DENND1A: variants seen among roughly 807,000 people sequenced by gnomAD.
The protein encoded by DENND1A is DENN domain-containing protein 1A.
Under a neutral mutation model 113.7 loss-of-function variants are expected in DENND1A, and 51 were observed. The observed-to-expected ratio is 0.45, with a 90% confidence interval of 0.36 to 0.57. The LOEUF (loss-of-function observed/expected upper bound fraction) is 0.57, where lower values mean the gene tolerates loss of function less well. Ranked by LOEUF, DENND1A falls within the 20% of genes least tolerant of loss-of-function variation. DENND1A has a pLI of 0.00. For missense variants in DENND1A, 1,258 were observed against 1,395.9 expected (o/e 0.90, Z 1.57); for synonymous variants, 565 against 570.8 (o/e 0.99, Z 0.14).
chr9:123,465,546 A>G (rs866286946), intron 13 of DENND1A, among the ~76,000 whole-genome samples: 5 of 152,318 alleles, frequency 3.3e-5, no homozygotes, highest in Middle Eastern at 3.4e-3. Flanking sequence ...GTTGCTTTGA[A>G]GAGTAAAACA....
chr9:123,738,889 A>G (rs1409339113), intron 5 of DENND1A, among the ~76,000 whole-genome samples: 1 of 152,184 alleles, frequency 6.6e-6, no homozygotes, highest in Non-Finnish European at 1.5e-5. Flanking sequence ...AGTAAATACT[A>G]TGGAAAAGAA....
rs138680014 is a variant in DENND1A, at chr9:123,505,093, G to A, written c.994-47196C>T. ...TGCAAGATAACTCTGAAGGAACTCC[G>A]TGATAATTTGGCATCAATACCCAAC... On this transcript the variant is annotated intron_variant, in intron 13 of 23. Coordinates refer to ENST00000394215, the MANE Select transcript of DENND1A (RefSeq NM_001352964.2). Among the ~76,000 whole-genome samples, 13 of 152,264 alleles carry A rather than the reference G, an allele frequency of 8.5e-5. No individual in the cohort carries two copies. The East Asian group carries it at 2.5e-3, about 29-fold the overall frequency.
At chr9:123,586,791 G>C (rs2059187722) in intron 11 of DENND1A, among the ~76,000 whole-genome samples, 1 of 152,154 alleles carries the variant, frequency 6.6e-6, no homozygotes, top group South Asian at 2.1e-4. Flanking sequence ...TGAGAAGAAA[G>C]CCAGACCGTC....
At chr9:123,782,068 TA>T (rs957294654) in intron 3 of DENND1A, among the ~76,000 whole-genome samples, 25 of 150,962 alleles carry the variant, frequency 1.7e-4, no homozygotes, top group Admixed American at 1.1e-3. Context: ...AGACTCTGTC[TA>T]AAAAAAAATA....
At chr9:123,568,421 C>T (rs758761721) in intron 12 of DENND1A, among the ~76,000 whole-genome samples, 3 of 152,214 alleles carry the variant, frequency 2.0e-5, no homozygotes, top group East Asian at 1.9e-4. Flanking sequence ...GGGGCCTAAT[C>T]GATGGTGACT....
At chr9:123,691,104 G>T (rs778983901) in intron 5 of DENND1A, among the ~76,000 whole-genome samples, 8 of 152,106 alleles carry the variant, frequency 5.3e-5, no homozygotes, top group Admixed American at 1.3e-4. Flanking sequence ...TAAATGGGGG[G>T]GTCAGAAGCT....
At chr9:123,911,046 T>C (rs971222415) in intron 1 of DENND1A, among the ~76,000 whole-genome samples, 5 of 152,100 alleles carry the variant, frequency 3.3e-5, no homozygotes, top group African/African-American at 1.2e-4. Context: ...TCACATTCAA[T>C]AATATAAAGA....
intron 6 of DENND1A, 32 bp from the exon 7 acceptor site, chr9:123,671,403 G>A (rs758457325): frequency 1.9e-6 from 3 of 1,609,502 alleles, no homozygotes; most frequent in Admixed American, 1.7e-5. Context: ...AGTAACAAAA[G>A]CAAGGCTGAG....
At chr9:123,850,587 ATGGACAC>A (rs1843200720) in intron 2 of DENND1A, among the ~76,000 whole-genome samples, 1 of 152,202 alleles carries the variant, frequency 6.6e-6, no homozygotes, top group Non-Finnish European at 1.5e-5. Context: ...AGTTAACATT[ATGGACAC>A]TGAAAGCACA....
chr9:123,845,881 C>T (rs779636371), intron 2 of DENND1A, among the ~76,000 whole-genome samples: 1 of 151,984 alleles, frequency 6.6e-6, no homozygotes, highest in Non-Finnish European at 1.5e-5. Context: ...TAGGACTTCA[C>T]TGAAATGAAA....
chr9:123,733,998 C>T (rs11792396), intron 5 of DENND1A, among the ~76,000 whole-genome samples: 1 of 152,048 alleles, frequency 6.6e-6, no homozygotes, highest in South Asian at 2.1e-4. Flanking sequence ...CAGTCTCACT[C>T]TGCTGCCCAG....
chr9:123,745,412 G>A (rs1010284253), intron 5 of DENND1A, among the ~76,000 whole-genome samples: 2 of 152,242 alleles, frequency 1.3e-5, no homozygotes, highest in Admixed American at 1.3e-4. Flanking sequence ...ATGCTGGCGA[G>A]TCTTCTTTAA....
intron 11 of DENND1A, among the ~76,000 whole-genome samples, chr9:123,593,817 T>C (rs1389756386): frequency 6.6e-6 from 1 of 152,164 alleles, no homozygotes; most frequent in African/African-American, 2.4e-5. Context: ...CACGCCCTCT[T>C]GTAATTCCCA....
chr9:123,666,055 G>T (rs2063479541), intron 8 of DENND1A, among the ~76,000 whole-genome samples: 1 of 152,208 alleles, frequency 6.6e-6, no homozygotes, highest in African/African-American at 2.4e-5. Flanking sequence ...AGGGGTTGGG[G>T]AGACAGGGTA....
At chr9:123,491,077 C>A (rs892449791) in intron 13 of DENND1A, among the ~76,000 whole-genome samples, 1 of 152,236 alleles carries the variant, frequency 6.6e-6, no homozygotes, top group Non-Finnish European at 1.5e-5. Flanking sequence ...TGGAAAAGAA[C>A]TGGATCCTTC....
At chr9:123,880,118 T>C (rs529530616) in intron 1 of DENND1A, among the ~76,000 whole-genome samples, 8 of 152,328 alleles carry the variant, frequency 5.3e-5, no homozygotes, top group Non-Finnish European at 8.8e-5. Context: ...GTTCAAGCGA[T>C]TCTCCTGCCT....
rs1310227421 is a variant in DENND1A, at chr9:123,572,896, AT to A, written c.867+10272del. Among the ~76,000 whole-genome samples, 16 of 151,612 alleles carry A rather than the reference AT, an allele frequency of 1.1e-4. No individual in the cohort carries two copies. In the East Asian group the frequency reaches 3.1e-3, roughly 29 times the overall value. ...CCAATTCATGAGGATTCCCTCTCAT[AT>A]TTTTTTTCTAGTCATTTGATTGTTT... is the stretch of plus-strand genomic sequence containing the variant. On this transcript the variant is annotated intron_variant, in intron 12 of 23. Coordinates refer to ENST00000394215, the MANE Select transcript of DENND1A (RefSeq NM_001352964.2).
chr9:123,430,490 C>T (rs2046054965), intron 19 of DENND1A, among the ~76,000 whole-genome samples: 1 of 152,208 alleles, frequency 6.6e-6, no homozygotes, highest in African/African-American at 2.4e-5. Context: ...TACTATGCAG[C>T]CATAAAAAGA....
intron 5 of DENND1A, among the ~76,000 whole-genome samples, chr9:123,721,140 T>C (rs2067305747): frequency 6.6e-6 from 1 of 152,328 alleles, no homozygotes; most frequent in East Asian, 1.9e-4. Flanking sequence ...GGTTCCTCTA[T>C]GCTAGAGCCA....
Sources: allele counts gnomAD v4.1 joint callset (sites outside exome capture counted in the v4.1 genomes callset), GRCh38; gene constraint gnomAD v4.1.1; transcripts MANE v1.5; gene names NCBI Gene and HGNC (gene_info 2026-07-23, HGNC 2026-07-21).